The following CPA6 variants were observed in gnomAD, a reference collection of about 807,000 sequenced individuals.
The protein encoded by CPA6 is carboxypeptidase B.
In CPA6, 58 loss-of-function variants were observed where a neutral mutation model predicts 63.3. That is an observed-to-expected ratio of 0.92 (90% CI 0.74 to 1.14). CPA6 has a LOEUF of 1.14. Ranked by LOEUF, CPA6 falls within the 50% of genes most tolerant of loss-of-function variation. The probability of loss-of-function intolerance (pLI) is 0.00; values close to 1 mark genes in which losing one functional copy is unlikely to be tolerated. For synonymous variants in CPA6, 185 were observed against 179.0 expected, an observed-to-expected ratio of 1.03 and a Z score of -0.27; for missense variants, 565 against 526.6, an observed-to-expected ratio of 1.07 and a Z score of -0.71.
At chr8:67,673,596 G>C (rs912887361) in intron 1 of CPA6, among the ~76,000 whole-genome samples, 13 of 149,102 alleles carry the variant, frequency 8.7e-5, no homozygotes, top group African/African-American at 3.2e-4. Flanking sequence ...GTTTCACCGT[G>C]TTAGCCAGGA....
intron 1 of CPA6, among the ~76,000 whole-genome samples, chr8:67,673,381 T>TTATTATTATTATTATTA (rs368012210): frequency 1.5e-4 from 15 of 101,684 alleles, no homozygotes; most frequent in East Asian, 6.9e-4. Context: ...ATTATTATTA[T>TTATTATTATTATTATTA]TTATTTATTT....
intron 2 of CPA6, among the ~76,000 whole-genome samples, chr8:67,592,396 C>T (rs555525506): frequency 6.6e-6 from 1 of 152,188 alleles, no homozygotes; most frequent in Non-Finnish European, 1.5e-5. Context: ...ATGATGCTGG[C>T]CTCATAAAAT....
intron 9 of CPA6, among the ~76,000 whole-genome samples, chr8:67,428,641 G>A (rs1217119950): frequency 6.6e-6 from 1 of 152,096 alleles, no homozygotes; most frequent in Non-Finnish European, 1.5e-5. Context: ...GTGCCACCAC[G>A]CCTTGCTATT....
chr8:67,642,271 T>C lies in CPA6; in HGVS notation c.117-18020A>G, dbSNP rs542306065. Among the ~76,000 whole-genome samples the C allele has an allele frequency of 6.0e-4, 90 of 150,376 alleles. 1 individual carries two copies. Among genetic ancestry groups the C allele is most frequent in the Non-Finnish European group, 1.2e-3 (83 of 67,864 alleles). ...AGGCAGAGGTTGCAGTGAGCTGAGA[T>C]CATGCCATTGCACTCCAACCTGGGC... is the stretch of plus-strand genomic sequence containing the variant. On this transcript the variant is annotated intron_variant, in intron 1 of 10. Transcript: ENST00000297770.
intron 2 of CPA6, among the ~76,000 whole-genome samples, chr8:67,564,346 CT>C (rs1455110776): frequency 4.0e-5 from 6 of 151,152 alleles, no homozygotes; most frequent in Non-Finnish European, 1.5e-5. Flanking sequence ...TTTGGGGTTT[CT>C]TTTTGGCAGC....
intron 2 of CPA6, among the ~76,000 whole-genome samples, chr8:67,538,061 G>T (rs982258826): frequency 6.6e-6 from 1 of 152,094 alleles, no homozygotes; most frequent in Non-Finnish European, 1.5e-5. Context: ...TGTTTGTTAT[G>T]ATTTCTGTTC....
At chr8:67,745,422 G>C (rs1423231708) in intron 1 of CPA6, among the ~76,000 whole-genome samples, 1 of 152,152 alleles carries the variant, frequency 6.6e-6, no homozygotes, top group Non-Finnish European at 1.5e-5. Flanking sequence ...ACGGAGGGGG[G>C]ACAAAACTGA....
chr8:67,509,046 A>C (rs758512609), intron 5 of CPA6, among the ~76,000 whole-genome samples: 9 of 152,214 alleles, frequency 5.9e-5, no homozygotes, highest in Middle Eastern at 3.4e-3. Flanking sequence ...GAAGAGAGCG[A>C]AGGGGGAAGT....
chr8:67,710,182 A>T (rs1190122735), intron 1 of CPA6, among the ~76,000 whole-genome samples: 1 of 152,200 alleles, frequency 6.6e-6, no homozygotes. Context: ...ACTTGAAATC[A>T]GTAGAAAGAA....
rs574306455 is a variant in CPA6, at chr8:67,664,495, C to G, written c.117-40244G>C. On this transcript the variant is annotated intron_variant, in intron 1 of 10. Coordinates refer to ENST00000297770, the MANE Select transcript of CPA6 (RefSeq NM_020361.5). ...AGCAATACAGAGAGAGGGCTGGCCT[C>G]TAGCCCACTGTGCACCTGCTGCCTT... 3.9e-5 allele frequency among the ~76,000 whole-genome samples: 6 copies of G among 152,282 alleles called. No individual in the cohort carries two copies. The South Asian group carries it at 1.2e-3, about 32-fold the overall frequency.
At chr8:67,477,590 A>T (rs1423237993) in intron 8 of CPA6, among the ~76,000 whole-genome samples, 2 of 152,190 alleles carry the variant, frequency 1.3e-5, no homozygotes, top group Non-Finnish European at 2.9e-5. Context: ...CAATACACTC[A>T]TTTGGATATA....
At chr8:67,692,817 G>A (rs1177657251) in intron 1 of CPA6, among the ~76,000 whole-genome samples, 2 of 152,198 alleles carry the variant, frequency 1.3e-5, no homozygotes, top group Non-Finnish European at 2.9e-5. Flanking sequence ...TTGGGGCACA[G>A]ATAATGAGTG....
intron 2 of CPA6, among the ~76,000 whole-genome samples, chr8:67,598,824 C>T (rs1209766936): frequency 2.0e-5 from 3 of 151,892 alleles, no homozygotes; most frequent in Admixed American, 6.6e-5. Context: ...ATTTATAAGC[C>T]CTTCTATACA....
chr8:67,631,816 C>A (rs371304870), intron 1 of CPA6, among the ~76,000 whole-genome samples: 11 of 152,168 alleles, frequency 7.2e-5, no homozygotes, highest in East Asian at 3.9e-4. Context: ...ATGAACCCAC[C>A]GGGAGGAATG....
At chr8:67,618,942 C>G (rs1344746502) in intron 2 of CPA6, among the ~76,000 whole-genome samples, 1 of 152,146 alleles carries the variant, frequency 6.6e-6, no homozygotes, top group Admixed American at 6.5e-5. Flanking sequence ...CTTTCTCAAT[C>G]CAGTTCTCTA....
chr8:67,471,883 C>T (rs529373644), intron 8 of CPA6, among the ~76,000 whole-genome samples: 6 of 152,106 alleles, frequency 3.9e-5, no homozygotes, highest in African/African-American at 1.4e-4. Flanking sequence ...GAATATAATG[C>T]AATAATGCTT....
At chr8:67,458,184 A>T (rs1459554900) in intron 8 of CPA6, among the ~76,000 whole-genome samples, 10 of 150,074 alleles carry the variant, frequency 6.7e-5, no homozygotes, top group Admixed American at 6.6e-4. Flanking sequence ...AGACAGTGTT[A>T]GCTATGGCGA....
At chr8:67,719,339 T>A (rs1817447016) in intron 1 of CPA6, among the ~76,000 whole-genome samples, 1 of 151,474 alleles carries the variant, frequency 6.6e-6, no homozygotes, top group Admixed American at 6.6e-5. Context: ...GCATCCCGAG[T>A]GGATACAGAT....
At chr8:67,459,466 A>T (rs1432816945) in intron 8 of CPA6, among the ~76,000 whole-genome samples, 1 of 152,222 alleles carries the variant, frequency 6.6e-6, no homozygotes, top group Non-Finnish European at 1.5e-5. Context: ...CAATAAAGAG[A>T]CATGGAGGAA....
Sources: allele counts gnomAD v4.1 joint callset (sites outside exome capture counted in the v4.1 genomes callset), GRCh38; gene constraint gnomAD v4.1.1; transcripts MANE v1.5; gene names NCBI Gene and HGNC (gene_info 2026-07-23, HGNC 2026-07-21).